The following RTN4 variants were observed in gnomAD, a reference collection of about 807,000 sequenced individuals.
RTN4 encodes reticulon 4.
RTN4 carries 32 observed loss-of-function variants against 90.4 expected under a neutral mutation model. That is an observed-to-expected ratio of 0.35 (90% CI 0.27 to 0.48). RTN4 has a LOEUF of 0.48. Ranked by LOEUF, RTN4 falls within the 20% of genes least tolerant of loss-of-function variation. The probability of loss-of-function intolerance (pLI) is 0.99; values close to 1 mark genes in which losing one functional copy is unlikely to be tolerated. For synonymous variants in RTN4, 629 were observed against 552.5 expected (o/e 1.14, Z -1.94); for missense variants, 1,706 against 1,430.2 (o/e 1.19, Z -3.11).
intron 5 of RTN4, among the ~76,000 whole-genome samples, chr2:54,978,811 A>G (rs6739210): frequency 0.86 from 130,092 of 152,130 alleles, 56,057 homozygotes; most frequent in African/African-American, 0.97. Context: ...GAGAGACTGG[A>G]GCTATTAGCA....
At chr2:55,073,409 A>G (rs1668548062) in intron 2 of RTN4, among the ~76,000 whole-genome samples, 2 of 152,236 alleles carry the variant, frequency 1.3e-5, no homozygotes, top group Admixed American at 1.3e-4. Flanking sequence ...AGTTGTTACT[A>G]TTAGAAGAAA....
At chr2:55,122,216 C>T in the RTN4 span, among the ~76,000 whole-genome samples, 1 of 152,164 alleles carries the variant, frequency 6.6e-6, no homozygotes, top group Non-Finnish European at 1.5e-5. Flanking sequence ...TGGACTCAAG[C>T]AATCCACCTG....
In RTN4 at chr2:55,025,883, G is replaced by A. The variant is rs773354802; in HGVS notation, c.2216C>T (p.Ser739Leu). The A allele has an allele frequency of 3.7e-6, 6 of 1,613,798 alleles. No individual in the cohort carries two copies. The highest frequency in any genetic ancestry group is 1.7e-4 in the Middle Eastern group (1 of 6,058). The change falls in exon 3 of 9, where the codon TCA (serine) becomes TTA (leucine). Residue 739 changes from serine (S) to leucine (L), a missense_variant. Transcript: ENST00000337526. ...PDHSELVEDS[S>L]PDSEPVDLFS... ...TAAGTCAACTGGTTCAGAATCAGGT[G>A]AGGAATCTTCAACTAGCTCAGAATG... is the stretch of plus-strand genomic sequence containing the variant.
intron 2 of RTN4, among the ~76,000 whole-genome samples, chr2:55,066,169 T>TTGTG (rs71410416): frequency 1.7e-3 from 244 of 142,362 alleles, no homozygotes; most frequent in African/African-American, 4.8e-3. Context: ...ATGAACCCAT[T>TTGTG]TGTGTGTGTG....
the RTN4 span, among the ~76,000 whole-genome samples, chr2:55,125,836 C>A: frequency 6.6e-6 from 1 of 151,628 alleles, no homozygotes. Context: ...CCGAGGTGGG[C>A]GGGTCACCAG....
intron 4 of RTN4, among the ~76,000 whole-genome samples, chr2:54,983,005 A>C (rs1051164702): frequency 6.6e-6 from 1 of 151,854 alleles, no homozygotes; most frequent in African/African-American, 2.4e-5. Context: ...CAGTGAGAAA[A>C]GTGCCTAATG....
At chr2:55,056,609 T>A (rs985859044) in intron 2 of RTN4, 1 of 151,132 alleles carries the variant, frequency 6.6e-6, no homozygotes, top group Non-Finnish European at 1.5e-5. Flanking sequence ...TCACCCAAAC[T>A]GGGTGACAGA....
At chr2:55,058,343 G>A (rs1376472326) in intron 2 of RTN4, among the ~76,000 whole-genome samples, 1 of 152,152 alleles carries the variant, frequency 6.6e-6, no homozygotes, top group African/African-American at 2.4e-5. Context: ...GAGATATGAT[G>A]TAGGAGGGAA....
intron 5 of RTN4, among the ~76,000 whole-genome samples, chr2:54,978,190 G>A (rs1006785357): frequency 6.6e-6 from 1 of 152,194 alleles, no homozygotes; most frequent in Admixed American, 6.5e-5. Flanking sequence ...AGCACTCTGG[G>A]AGGCCAAGGC....
At position 54,982,673 on chromosome 2, in the gene RTN4, A is replaced by G. The variant is rs781082918; in HGVS notation, c.3222-20T>C. The G allele has an allele frequency of 3.8e-6, 6 of 1,586,028 alleles. No homozygotes were observed. Among genetic ancestry groups the G allele is most frequent in the Admixed American group, 3.7e-5 (2 of 53,940 alleles). On this transcript the variant is annotated intron_variant, in intron 4 of 8. Transcript: ENST00000337526. Reference sequence around the variant, plus strand: ...TATGCCCTAGAAAACAAAACACATCATAATTGTCACTAATTGGAGTGATTT... The same window carrying G: ...TATGCCCTAGAAAACAAAACACATCGTAATTGTCACTAATTGGAGTGATTT...
intron 1 of RTN4, among the ~76,000 whole-genome samples, chr2:55,039,296 G>A (rs898137725): frequency 6.6e-6 from 1 of 152,156 alleles, no homozygotes; most frequent in African/African-American, 2.4e-5. Flanking sequence ...ACATTAAGGT[G>A]AAAAAGGTGT....
chr2:55,037,367 T>C (rs1682763711), intron 1 of RTN4, among the ~76,000 whole-genome samples: 1 of 152,238 alleles, frequency 6.6e-6, no homozygotes, highest in African/African-American at 2.4e-5. Flanking sequence ...ATTTGTATTG[T>C]GAACAGCCTT....
chr2:54,980,442 C>T (rs1420258184), intron 5 of RTN4, among the ~76,000 whole-genome samples: 1 of 152,158 alleles, frequency 6.6e-6, no homozygotes, highest in Admixed American at 6.5e-5. Context: ...TATACTCAAA[C>T]TCAGAAAACT....
At chr2:55,095,151 C>T (rs774606820) in intron 1 of RTN4, among the ~76,000 whole-genome samples, 26 of 152,144 alleles carry the variant, frequency 1.7e-4, no homozygotes, top group Middle Eastern at 3.4e-3. Context: ...GGTGAAACCC[C>T]GTCTGTACTT....
At chr2:55,050,939 T>C (rs1048030297), upstream of RTN4, 1 of 152,002 alleles carries the variant, frequency 6.6e-6, no homozygotes, top group African/African-American at 2.4e-5. This position sits in a 1 kb window ranked among gnomAD's most constrained non-coding sequence, Gnocchi z 4.6. Context: ...GTGGAAACTT[T>C]CCTCCCGGGA....
chr2:55,026,299 A>C lies in RTN4; in HGVS notation c.1800T>G (p.Phe600Leu). ...GTGAAGGAGTAGCTTCTGACTCTTC[A>C]AATGATGGGCAAAGCTGTGCTGCAG... ...LYPAAQLCPSFEESEATPSPV... is the reference protein window; with the variant it reads ...LYPAAQLCPSLEESEATPSPV... The change falls in exon 3 of 9, where the codon TTT (phenylalanine) becomes TTG (leucine). Residue 600 changes from phenylalanine (F) to leucine (L), a missense_variant. Phe to Leu is a conservative substitution (Grantham distance 22). Coordinates refer to ENST00000337526, the MANE Select transcript of RTN4 (RefSeq NM_020532.5). The C allele has an allele frequency of 6.2e-7, 1 of 1,613,966 alleles. No individual in the cohort carries two copies. Among genetic ancestry groups the C allele is most frequent in the South Asian group, 1.1e-5 (1 of 91,082 alleles).
intron 1 of RTN4, among the ~76,000 whole-genome samples, chr2:55,029,114 C>T (rs779800642): frequency 6.6e-6 from 1 of 152,128 alleles, no homozygotes. Flanking sequence ...CACCAGAGAG[C>T]TTGCTGTCAT....
chr2:55,030,129 A>C (rs905446676), intron 1 of RTN4, among the ~76,000 whole-genome samples: 1 of 152,302 alleles, frequency 6.6e-6, no homozygotes, highest in East Asian at 1.9e-4. Flanking sequence ...GTGAACTAGA[A>C]ACATATATTA....
In RTN4 at chr2:54,972,682, G is replaced by A. The variant is rs1677174493; in HGVS notation, c.*474C>T. ...AATACACCTAGAACATACCAGAAAA[G>A]CAAGCTTTGTCATTCCTGCTTTACC... is the stretch of plus-strand genomic sequence containing the variant. On this transcript the variant is annotated 3_prime_UTR_variant, in exon 9 of 9. Transcript: ENST00000337526. The A allele has an allele frequency of 6.5e-6, 1 of 153,282 alleles. No individual in the cohort carries two copies. The allele number at this position is 153,282 out of a possible 1,614,324, so 9.5% of individuals were successfully genotyped here. A position where few individuals can be genotyped will look rare whatever the true frequency, so the allele number is the denominator to read the frequency against.
Sources: allele counts gnomAD v4.1 joint callset (sites outside exome capture counted in the v4.1 genomes callset), GRCh38; gene constraint gnomAD v4.1.1; non-coding constraint Gnocchi (gnomAD v3.1); transcripts MANE v1.5; gene names NCBI Gene and HGNC (gene_info 2026-07-23, HGNC 2026-07-21).